Variants in DGKB observed in about 807,000 individuals in gnomAD.
DGKB encodes 90 kDa diacylglycerol kinase.
In DGKB, 67 loss-of-function variants were observed where a neutral mutation model predicts 114.3. The ratio of observed to expected loss-of-function variants is 0.59; its 90% CI spans 0.48 to 0.72. DGKB has a LOEUF of 0.72. Among genes scored for constraint, DGKB ranks in the 30% least tolerant of loss-of-function variants. The pLI is 0.00. For synonymous variants in DGKB, 398 were observed against 323.1 expected (o/e 1.23, Z -2.49); for missense variants, 907 against 975.2 (o/e 0.93, Z 0.93).
intron 25 of DGKB, chr7:14,176,007 T>G (rs1781682309): frequency 6.6e-6 from 1 of 151,990 alleles, no homozygotes; most frequent in African/African-American, 2.4e-5. Flanking sequence ...TATACTAAGC[T>G]TTTGGCTATG....
At chr7:14,799,772 C>A (rs1383913488) in intron 2 of DGKB, among the ~76,000 whole-genome samples, 1 of 152,168 alleles carries the variant, frequency 6.6e-6, no homozygotes, top group African/African-American at 2.4e-5. Flanking sequence ...CAAGTACAGG[C>A]TGCTGTGTGA....
chr7:14,779,671 T>C (rs955161782), intron 2 of DGKB, among the ~76,000 whole-genome samples: 1 of 152,246 alleles, frequency 6.6e-6, no homozygotes, highest in African/African-American at 2.4e-5. Flanking sequence ...CTGTTTTGTT[T>C]AACCATCTGT....
chr7:14,422,454 T>G (rs1304963662), intron 21 of DGKB, among the ~76,000 whole-genome samples: 1 of 152,092 alleles, frequency 6.6e-6, no homozygotes, highest in African/African-American at 2.4e-5. Context: ...CAGAAAGACT[T>G]AAACCCATGT....
chr7:14,796,220 C>T (rs981152048), intron 2 of DGKB, among the ~76,000 whole-genome samples: 1 of 152,112 alleles, frequency 6.6e-6, no homozygotes, highest in Non-Finnish European at 1.5e-5. Context: ...CAACAAGGCC[C>T]ACAGTAGAGG....
At chr7:14,532,388 A>C (rs1220008842) in intron 20 of DGKB, among the ~76,000 whole-genome samples, 4 of 151,460 alleles carry the variant, frequency 2.6e-5, no homozygotes, top group African/African-American at 7.2e-5. Flanking sequence ...TACTGTCTAC[A>C]AGAATTATGC....
intron 23 of DGKB, among the ~76,000 whole-genome samples, chr7:14,193,302 A>T (rs1344921773): frequency 6.6e-6 from 1 of 152,212 alleles, no homozygotes; most frequent in Non-Finnish European, 1.5e-5. Context: ...ACACTATTAT[A>T]CAAAGATATA....
chr7:14,478,877 C>G (rs1782587149), intron 20 of DGKB, among the ~76,000 whole-genome samples: 1 of 151,772 alleles, frequency 6.6e-6, no homozygotes, highest in South Asian at 2.1e-4. Flanking sequence ...TTTCTGAGAC[C>G]CCAAGTGCAT....
At chr7:14,726,708 T>C (rs1240046392) in intron 5 of DGKB, among the ~76,000 whole-genome samples, 2 of 152,382 alleles carry the variant, frequency 1.3e-5, no homozygotes, top group Non-Finnish European at 2.9e-5. Flanking sequence ...TTTATATGTG[T>C]GCTTGCATGT....
chr7:14,170,124 A>G (rs1780656376), intron 25 of DGKB, among the ~76,000 whole-genome samples: 1 of 141,194 alleles, frequency 7.1e-6, no homozygotes, highest in Non-Finnish European at 1.5e-5. Context: ...ACAAGAGAGA[A>G]ACTCCATCTC....
chr7:14,178,585 T>G lies in DGKB; in HGVS notation c.2123-434A>C, dbSNP rs17167946. Among the ~76,000 whole-genome samples, 1,268 of 152,320 alleles carry G rather than the reference T, an allele frequency of 8.3e-3. 14 individuals are homozygous for G. The highest frequency in any genetic ancestry group is 0.029 in the African/African-American group (1,221 of 41,570). On this transcript the variant is annotated intron_variant, in intron 23 of 25. Coordinates refer to ENST00000402815, the MANE Select transcript of DGKB (RefSeq NM_001350709.2). ...GTCAAACATGATTTTGTTAAATTAC[T>G]TGAACAAGAGACCTTGGAGATCATG...
At chr7:14,171,992 T>A (rs1464525699) in intron 25 of DGKB, among the ~76,000 whole-genome samples, 3 of 152,098 alleles carry the variant, frequency 2.0e-5, no homozygotes, top group African/African-American at 7.2e-5. Context: ...TTGATAAAAC[T>A]GAAACACTGA....
chr7:14,183,584 G>A (rs1037628015), intron 23 of DGKB, among the ~76,000 whole-genome samples: 7 of 152,146 alleles, frequency 4.6e-5, no homozygotes, highest in Non-Finnish European at 8.8e-5. Flanking sequence ...GGGATTTATA[G>A]GCATTTTTCC....
intron 1 of DGKB, among the ~76,000 whole-genome samples, chr7:14,928,429 T>C (rs1217233777): frequency 1.3e-5 from 2 of 151,990 alleles, no homozygotes. Flanking sequence ...AAATAATCTC[T>C]GATCACACAT....
At chr7:14,939,244 G>A (rs935670930) in intron 1 of DGKB, among the ~76,000 whole-genome samples, 59 of 152,144 alleles carry the variant, frequency 3.9e-4, no homozygotes, top group African/African-American at 1.4e-3. Flanking sequence ...TGTTTTATAA[G>A]TTCAAATTTT....
chr7:14,735,473 G>GAA (rs1268361544), intron 5 of DGKB, among the ~76,000 whole-genome samples: 4 of 152,092 alleles, frequency 2.6e-5, no homozygotes, highest in African/African-American at 9.7e-5. Flanking sequence ...GTAATACAGT[G>GAA]AAATCTCTGT....
intron 12 of DGKB, among the ~76,000 whole-genome samples, chr7:14,674,889 C>T (rs1390718949): frequency 6.6e-6 from 1 of 152,088 alleles, no homozygotes; most frequent in Non-Finnish European, 1.5e-5. Flanking sequence ...GCCTCCAGAG[C>T]TATGAGTGAA....
chr7:14,867,589 T>C (rs970701395), intron 1 of DGKB, among the ~76,000 whole-genome samples: 1 of 152,254 alleles, frequency 6.6e-6, no homozygotes, highest in African/African-American at 2.4e-5. Context: ...TTCAACCTCA[T>C]TTGCTGCATA....
At chr7:14,440,965 A>C (rs1287584662) in intron 21 of DGKB, among the ~76,000 whole-genome samples, 2 of 151,842 alleles carry the variant, frequency 1.3e-5, no homozygotes, top group African/African-American at 2.4e-5. Context: ...CCTAATTGAA[A>C]CCAGTTGAAT....
intron 23 of DGKB, among the ~76,000 whole-genome samples, chr7:14,274,590 T>A (rs1251177928): frequency 1.3e-5 from 2 of 152,178 alleles, no homozygotes; most frequent in Non-Finnish European, 2.9e-5. Context: ...AAAAATGTCA[T>A]AGACTGAATG....
Sources: gnomAD v4.1 joint callset for allele counts (sites outside exome capture counted in the v4.1 genomes callset) on GRCh38, gnomAD v4.1.1 for gene constraint, MANE v1.5 for transcripts, NCBI Gene and HGNC (gene_info 2026-07-23, HGNC 2026-07-21) for gene names.